TCF7: variants seen among roughly 807,000 people sequenced by gnomAD.
The protein encoded by TCF7 is T-cell-factor-7.
In TCF7, 19 loss-of-function variants were observed where a neutral mutation model predicts 46.8. The observed-to-expected ratio is 0.41, with a 90% confidence interval of 0.28 to 0.60. The LOEUF (loss-of-function observed/expected upper bound fraction) is 0.60, where lower values mean the gene tolerates loss of function less well. Among genes scored for constraint, TCF7 ranks in the 20% least tolerant of loss-of-function variants. The probability of loss-of-function intolerance (pLI) is 0.35; values close to 1 mark genes in which losing one functional copy is unlikely to be tolerated. For missense variants in TCF7, 547 were observed against 504.6 expected, an observed-to-expected ratio of 1.08 and a Z score of -0.81; for synonymous variants, 245 against 213.4, an observed-to-expected ratio of 1.15 and a Z score of -1.29.
chr5:134,147,711 C>T lies in TCF7; in HGVS notation c.*1408C>T, dbSNP rs558894685. 2.0e-5 allele frequency: 3 copies of T among 152,386 alleles called. No homozygotes were observed. The highest frequency in any genetic ancestry group is 7.2e-5 in the African/African-American group (3 of 41,536). 9.4% of individuals were successfully genotyped at this position (152,386 alleles called of 1,614,324 possible). A position where few individuals can be genotyped will look rare whatever the true frequency, so the allele number is the denominator to read the frequency against. ...GGCTGCCGGGCCAGGCGCGGTGGCT[C>T]ACGCCTGTAATCCCAGCACTTTGGC... On this transcript the variant is annotated 3_prime_UTR_variant, in exon 10 of 10. Coordinates refer to ENST00000342854, the MANE Select transcript of TCF7 (RefSeq NM_003202.5).
At chr5:134,123,489 G>A (rs1756887466) in intron 3 of TCF7, 2 of 338,028 alleles carry the variant, frequency 5.9e-6, no homozygotes, top group East Asian at 7.8e-5. Context: ...GAGGCCAGTG[G>A]GGGCAGCAGG....
At position 134,116,023 on chromosome 5, in the gene TCF7, A is replaced by AGCCCCCGCTGGTAAGTG. The variant is rs1174846306; in HGVS notation, c.433_441+8dup. On this transcript the variant is annotated frameshift_variant, in exon 3 of 10. Transcript: ENST00000342854. LOFTEE classifies it high-confidence loss of function. ...GGAGCAGGGCAGCACCCCCAGCCGCAGCCCCCGCTGGTAAGTGGACCCCGC... is the reference window on the plus strand; with the variant it reads ...GGAGCAGGGCAGCACCCCCAGCCGCAGCCCCCGCTGGTAAGTGGCCCCCGCTGGTAAGTGGACCCCGC... The AGCCCCCGCTGGTAAGTG allele has an allele frequency of 3.1e-6, 5 of 1,612,320 alleles. No homozygotes were observed. Among genetic ancestry groups the AGCCCCCGCTGGTAAGTG allele is most frequent in the Non-Finnish European group, 3.4e-6 (4 of 1,179,444 alleles).
At chr5:134,142,336 T>G in intron 6 of TCF7, 32 bp downstream of exon 6, 1 of 1,552,170 alleles carries the variant, frequency 6.4e-7, no homozygotes, top group Non-Finnish European at 8.8e-7. Flanking sequence ...GCAGGGGGTG[T>G]GTCAGTCAGG....
intron 4 of TCF7, chr5:134,138,745 C>T (rs1759279713): frequency 4.0e-6 from 3 of 742,142 alleles, no homozygotes; most frequent in Non-Finnish European, 6.3e-6. Flanking sequence ...GGCAAGTCAC[C>T]CCAGCCCTCT....
chr5:134,142,505 C>T (rs1172992536), intron 6 of TCF7, among the ~76,000 whole-genome samples: 1 of 152,128 alleles, frequency 6.6e-6, no homozygotes, highest in African/African-American at 2.4e-5. Context: ...GCTCAGAAGT[C>T]CTTAACACAT....
At chr5:134,142,063 GGATA>G (rs1759872378) in intron 5 of TCF7, 118 bp from the exon 6 acceptor site, 3 of 1,367,018 alleles carry the variant, frequency 2.2e-6, no homozygotes, top group Middle Eastern at 1.9e-4. Context: ...TAGGCCAGTA[GGATA>G]GAGTATCTAT....
At position 134,146,625 on chromosome 5, in the gene TCF7, G is replaced by A. The variant is rs1760750412; in HGVS notation, c.*322G>A. On this transcript the variant is annotated 3_prime_UTR_variant, in exon 10 of 10. Transcript: ENST00000342854. The stretch of plus-strand genomic sequence containing the variant: ...AGGGGTCCTGTTAACGTCATCTCAG[G>A]GTCCAGACCCTGAAGATTTCAGAGG... 7.4e-6 allele frequency: 5 copies of A among 672,902 alleles called. No individual in the cohort carries two copies. Among genetic ancestry groups the A allele is most frequent in the Non-Finnish European group, 1.3e-5 (5 of 373,736 alleles). 41.7% of individuals were successfully genotyped at this position (672,902 alleles called of 1,614,324 possible).
At chr5:134,113,186 C>T (rs1416676818), upstream of TCF7, among the ~76,000 whole-genome samples, 1 of 152,218 alleles carries the variant, frequency 6.6e-6, no homozygotes, top group African/African-American at 2.4e-5. Context: ...TGGGAAGAGG[C>T]TGGGGAGACC....
intron 8 of TCF7, 121 bp from the exon 9 acceptor site, chr5:134,143,471 C>A: frequency 8.3e-7 from 1 of 1,201,548 alleles, no homozygotes; most frequent in Non-Finnish European, 1.2e-6. Flanking sequence ...AACACCAGCA[C>A]CCCAAGGTAG....
At chr5:134,137,540 A>G (rs1759075818) in intron 3 of TCF7, among the ~76,000 whole-genome samples, 2 of 152,118 alleles carry the variant, frequency 1.3e-5, no homozygotes, top group Non-Finnish European at 2.9e-5. Flanking sequence ...GCCAGGCCCC[A>G]TCTCCCCTGA....
chr5:134,108,286 G>A, the TCF7 span, among the ~76,000 whole-genome samples: 9 of 152,206 alleles, frequency 5.9e-5, no homozygotes, highest in Non-Finnish European at 1.3e-4. Flanking sequence ...TTATGCAACA[G>A]CCCCATCCCC....
intron 3 of TCF7, chr5:134,137,815 C>A: frequency 2.6e-6 from 1 of 381,650 alleles, no homozygotes; most frequent in South Asian, 9.4e-5. Context: ...GGAGACGCAC[C>A]TCCAGGAATT....
intron 3 of TCF7, among the ~76,000 whole-genome samples, chr5:134,120,441 G>A (rs2149281007): frequency 6.6e-6 from 1 of 152,268 alleles, no homozygotes; most frequent in East Asian, 1.9e-4. Context: ...ACTCATCACA[G>A]CCGAGTGCCT....
At chr5:134,130,646 G>C (rs34908535) in intron 3 of TCF7, among the ~76,000 whole-genome samples, 1 of 152,160 alleles carries the variant, frequency 6.6e-6, no homozygotes, top group Non-Finnish European at 1.5e-5. Flanking sequence ...AGGAGAGGAC[G>C]GGGGTAGGAG....
In TCF7 at chr5:134,146,666, C is replaced by A; in HGVS notation, c.*363C>A. The A allele has an allele frequency of 1.6e-6, 1 of 642,246 alleles. No individual in the cohort carries two copies. Among genetic ancestry groups the A allele is most frequent in the Non-Finnish European group, 2.8e-6 (1 of 362,012 alleles). The allele number at this position is 642,246 out of a possible 1,614,324, so 39.8% of individuals were successfully genotyped here. A position where few individuals can be genotyped will look rare whatever the true frequency, so the allele number is the denominator to read the frequency against. Reference sequence around the variant, plus strand: ...ATTTCAGAGGCTGCAGGACTTCTGCCTGAACCTGGGGTCATCGATTCAAAC... The same window carrying A: ...ATTTCAGAGGCTGCAGGACTTCTGCATGAACCTGGGGTCATCGATTCAAAC... On this transcript the variant is annotated 3_prime_UTR_variant, in exon 10 of 10. Transcript: ENST00000342854.
At chr5:134,129,445 C>T (rs1196715671) in intron 3 of TCF7, among the ~76,000 whole-genome samples, 1 of 152,164 alleles carries the variant, frequency 6.6e-6, no homozygotes, top group Admixed American at 6.5e-5. Flanking sequence ...GATGGCTGGG[C>T]ACTGATGGGG....
At position 134,115,243 on chromosome 5, in the gene TCF7, C is replaced by T. The variant is rs369962130; in HGVS notation, c.250-78C>T. On this transcript the variant is annotated intron_variant, in intron 1 of 9. Transcript: ENST00000342854. ...CGCGGCCCTCGGGGTCTCCAGCGCG[C>T]AGAGCGTCCCTGCCCCGGCGTCGGC... is the stretch of plus-strand genomic sequence containing the variant. 5.7e-4 allele frequency: 793 copies of T among 1,381,834 alleles called. No homozygotes were observed. The African/African-American group carries it at 0.011, about 19-fold the overall frequency. 85.6% of individuals were successfully genotyped at this position (1,381,834 alleles called of 1,614,324 possible). A position where few individuals can be genotyped will look rare whatever the true frequency, so the allele number is the denominator to read the frequency against.
At chr5:134,134,531 G>A (rs997056234) in intron 3 of TCF7, among the ~76,000 whole-genome samples, 9 of 152,194 alleles carry the variant, frequency 5.9e-5, no homozygotes, top group Non-Finnish European at 5.9e-5. Flanking sequence ...TGGCTGGCTG[G>A]TGTTATTCTA....
At chr5:134,133,261 T>TA (rs1243202058) in intron 3 of TCF7, among the ~76,000 whole-genome samples, 2 of 152,172 alleles carry the variant, frequency 1.3e-5, no homozygotes, top group Non-Finnish European at 2.9e-5. Flanking sequence ...TTTGAGCACT[T>TA]ACTGTGCACC....
Sources: gnomAD v4.1 joint callset for allele counts (sites outside exome capture counted in the v4.1 genomes callset) on GRCh38, gnomAD v4.1.1 for gene constraint, MANE v1.5 for transcripts, NCBI Gene and HGNC (gene_info 2026-07-23, HGNC 2026-07-21) for gene names.